The following CD55 variants were observed in gnomAD, a reference collection of about 807,000 sequenced individuals.
The protein encoded by CD55 is complement decay-accelerating factor.
In CD55, 41 loss-of-function variants were observed where a neutral mutation model predicts 45.8. The ratio of observed to expected loss-of-function variants is 0.90; its 90% CI spans 0.70 to 1.16. CD55 has a LOEUF of 1.16. CD55 is among the 50% of genes most tolerant of loss of function. The pLI is 0.00. For missense variants in CD55, 416 were observed against 469.8 expected (o/e 0.89, Z 1.06); for synonymous variants, 181 against 181.1 (o/e 1.00, Z 0.01).
chr1:207,352,234 CA>C (rs2102438867), intron 9 of CD55, among the ~76,000 whole-genome samples: 1 of 149,578 alleles, frequency 6.7e-6, no homozygotes, highest in Admixed American at 6.7e-5. Flanking sequence ...AAGTGTTTCC[CA>C]ATTTTTTTTT....
chr1:207,324,504 A>G, intron 2 of CD55, 55 bp from the exon 3 acceptor site: 1 of 1,290,896 alleles, frequency 7.7e-7, no homozygotes, highest in Non-Finnish European at 1.1e-6. Flanking sequence ...AATATAGATT[A>G]TAAAACAAAA....
At chr1:207,339,558 A>T in intron 9 of CD55, 141 bp downstream of exon 9, 1 of 656,366 alleles carries the variant, frequency 1.5e-6, no homozygotes, top group Non-Finnish European at 2.6e-6. Flanking sequence ...AGTATGGAAA[A>T]CTTTAAACGT....
At position 207,336,843 on chromosome 1, in the gene CD55, A is replaced by G. The variant is rs766908424; in HGVS notation, c.979+25A>G. ...GGTACAGAGACTCCATCAGTTCTTC[A>G]AAAACACACCACAGAAAATGTTTCA... On this transcript the variant is annotated intron_variant, in intron 7 of 9. Transcript: ENST00000367064. 75 of 1,613,072 alleles carry G rather than the reference A, an allele frequency of 4.6e-5. 1 individual carries two copies. The East Asian group carries it at 6.9e-4, about 15-fold the overall frequency.
chr1:207,322,390 G>C lies in CD55; in HGVS notation c.109G>C (p.Gly37Arg). ...TGCTTTTGTCTCCCTAGGTGACTGT[G>C]GCCTTCCCCCAGATGTACCTAATGC... ...LCLPAVWGDC[G>R]LPPDVPNAQP... The change falls in exon 2 of 10, where the codon GGC becomes CGC. Residue 37 changes from glycine to arginine, a missense_variant. Coordinates refer to ENST00000367064, the MANE Select transcript of CD55 (RefSeq NM_000574.5). 6.2e-7 allele frequency: 1 copy of C among 1,613,978 alleles called. No individual in the cohort carries two copies. The highest frequency in any genetic ancestry group is 8.5e-7 in the Non-Finnish European group (1 of 1,179,846).
chr1:207,335,335 A>G lies in CD55; in HGVS notation c.854-1358A>G, dbSNP rs28738990. Among the ~76,000 whole-genome samples, 374 of 152,304 alleles carry G rather than the reference A, an allele frequency of 2.5e-3. 2 individuals carry two copies. The highest frequency in any genetic ancestry group is 8.4e-3 in the African/African-American group (350 of 41,580). ...GACAGGTATGTTTTTTCAAGTGCGCATGGGCTATTTACCAAAATTGACCCT... is the reference window on the plus strand; with the variant it reads ...GACAGGTATGTTTTTTCAAGTGCGCGTGGGCTATTTACCAAAATTGACCCT... On this transcript the variant is annotated intron_variant, in intron 6 of 9. Transcript: ENST00000367064.
intron 9 of CD55, among the ~76,000 whole-genome samples, chr1:207,346,820 C>G (rs1017107307): frequency 6.6e-6 from 1 of 152,166 alleles, no homozygotes; most frequent in Non-Finnish European, 1.5e-5. Flanking sequence ...TGTGAACTTA[C>G]TCTCTGGAGT....
intron 6 of CD55, among the ~76,000 whole-genome samples, chr1:207,335,271 A>G (rs1014518754): frequency 2.0e-5 from 3 of 152,322 alleles, no homozygotes; most frequent in Non-Finnish European, 2.9e-5. Context: ...ACAATTAAAC[A>G]TATATACATA....
In CD55 at chr1:207,354,285, T is replaced by TTTTCTATGGCAATA. The variant is rs1438411285; in HGVS notation, c.1082-5261_1082-5260insTTTCTATGGCAATA. On this transcript the variant is annotated intron_variant, in intron 9 of 9. Transcript: ENST00000367064. ...AGTGAGTTTTTCTATGGCAATAAAC[T>TTTTCTATGGCAATA]GACTTACCCTTTCTTGGTCTCAGTT... The TTTTCTATGGCAATA allele has an allele frequency of 1.2e-5, 12 of 972,174 alleles. No homozygotes were observed. In the African/African-American group the frequency reaches 2.1e-4, roughly 17 times the overall value. The allele number at this position is 972,174 out of a possible 1,614,324, so 60.2% of individuals were successfully genotyped here. A position where few individuals can be genotyped will look rare whatever the true frequency, so the allele number is the denominator to read the frequency against.
At chr1:207,329,994 G>A (rs950598603) in intron 5 of CD55, among the ~76,000 whole-genome samples, 6 of 151,460 alleles carry the variant, frequency 4.0e-5, no homozygotes, top group African/African-American at 1.2e-4. Context: ...TGGCTACTTC[G>A]GGATGACCCT....
intron 9 of CD55, among the ~76,000 whole-genome samples, chr1:207,353,675 G>C (rs1171852105): frequency 1.3e-5 from 2 of 152,138 alleles, no homozygotes; most frequent in Non-Finnish European, 1.5e-5. Flanking sequence ...GATACGTTTA[G>C]TCTGGAAAAG....
chr1:207,345,440 T>C (rs1205694590), intron 9 of CD55, among the ~76,000 whole-genome samples: 1 of 152,138 alleles, frequency 6.6e-6, no homozygotes, highest in African/African-American at 2.4e-5. Context: ...CTTTTTTTGA[T>C]AAACATCTCA....
rs773843601 is a variant in CD55, at chr1:207,337,334, C to T, written c.985C>T (p.Arg329Trp). 2.0e-5 allele frequency: 32 copies of T among 1,601,320 alleles called. No homozygotes were observed. The highest frequency in any genetic ancestry group is 2.7e-5 in the Non-Finnish European group (31 of 1,168,752). ...KTTTPNAQAT[R>W]STPVSRTTKH... Reference sequence around the variant, plus strand: ...CCCTTCTGCTCATATTACAGCAACACGGAGTACACCTGTTTCCAGGACAAC... The same window carrying T: ...CCCTTCTGCTCATATTACAGCAACATGGAGTACACCTGTTTCCAGGACAAC... The change falls in exon 8 of 10, where the codon CGG (arginine) becomes TGG (tryptophan). Residue 329 changes from arginine (R) to tryptophan (W), a missense_variant. Physicochemically the swap from Arg to Trp is moderately radical, Grantham distance 101 (BLOSUM62 -3). Coordinates refer to ENST00000367064, the MANE Select transcript of CD55 (RefSeq NM_000574.5).
rs777769984 is a variant in CD55 at position 207,321,824 on chromosome 1, GGCT to G, written c.70_72del (p.Leu24del). 7 of 1,529,526 alleles carry G rather than the reference GGCT, an allele frequency of 4.6e-6. No individual in the cohort carries two copies. The highest frequency in any genetic ancestry group is 3.9e-5 in the Admixed American group (2 of 50,646). The allele number at this position is 1,529,526 out of a possible 1,614,324, so 94.7% of individuals were successfully genotyped here. ...CTGCCCCTCCTCGGGGAGCTGCCCCGGCTGCTGCTGCTGGTGCTGTTGTGCCTG... is the reference window on the plus strand; with the variant it reads ...CTGCCCCTCCTCGGGGAGCTGCCCCGGCTGCTGCTGGTGCTGTTGTGCCTG... On this transcript the variant is annotated inframe_deletion, in exon 1 of 10. Coordinates refer to ENST00000367064, the MANE Select transcript of CD55 (RefSeq NM_000574.5).
At chr1:207,325,196 G>A (rs1445350926) in intron 3 of CD55, among the ~76,000 whole-genome samples, 1 of 152,008 alleles carries the variant, frequency 6.6e-6, no homozygotes, top group African/African-American at 2.4e-5. Context: ...CTAGCTGGGT[G>A]TGGTGGCGCA....
At chr1:207,325,457 A>G (rs1004586184) in intron 3 of CD55, among the ~76,000 whole-genome samples, 165 bp from the exon 4 acceptor site, 4 of 152,198 alleles carry the variant, frequency 2.6e-5, no homozygotes, top group Admixed American at 2.6e-4. Flanking sequence ...TATAATCGAC[A>G]AATATTATCT....
chr1:207,332,153 TAAC>T (rs986195748), intron 6 of CD55, among the ~76,000 whole-genome samples: 6 of 152,080 alleles, frequency 3.9e-5, no homozygotes, highest in Admixed American at 2.6e-4. Flanking sequence ...CTCGGAGAGG[TAAC>T]AATTTTTTAC....
At chr1:207,326,621 C>T (rs961596424) in intron 4 of CD55, 131 bp from the exon 5 acceptor site, 128 of 681,674 alleles carry the variant, frequency 1.9e-4, no homozygotes, top group Non-Finnish European at 3.1e-4. Flanking sequence ...ACTGTGTGGA[C>T]TTTTATCAAC....
chr1:207,337,339 T>A lies in CD55; in HGVS notation c.990T>A (p.Ser330Arg). ...TTTPNAQATR[S>R]TPVSRTTKHF... ...CTGCTCATATTACAGCAACACGGAG[T>A]ACACCTGTTTCCAGGACAACCAAGC... The change falls in exon 8 of 10, where the codon AGT becomes AGA. Residue 330 changes from serine to arginine, a missense_variant. Physicochemically the swap from Ser to Arg is moderately radical, Grantham distance 110. Transcript: ENST00000367064. 1 of 1,606,002 alleles carries A rather than the reference T, an allele frequency of 6.2e-7. No individual in the cohort carries two copies.
chr1:207,359,769 G>C lies in CD55; in HGVS notation c.*159G>C. 1.1e-6 allele frequency: 1 copy of C among 917,672 alleles called. No homozygotes were observed. The highest frequency in any genetic ancestry group is 1.5e-6 in the Non-Finnish European group (1 of 668,550). The allele number at this position is 917,672 out of a possible 1,614,324, so 56.8% of individuals were successfully genotyped here. A position where few individuals can be genotyped will look rare whatever the true frequency, so the allele number is the denominator to read the frequency against. ...GTTAGGAATGTCAACAGAGCAAGGA[G>C]AAAAAAGGCAGTCCTGGAATCACAT... is the stretch of plus-strand genomic sequence containing the variant. On this transcript the variant is annotated 3_prime_UTR_variant, in exon 10 of 10. Transcript: ENST00000367064.
Sources: gnomAD v4.1 joint callset for allele counts (sites outside exome capture counted in the v4.1 genomes callset) on GRCh38, gnomAD v4.1.1 for gene constraint, MANE v1.5 for transcripts, NCBI Gene and HGNC (gene_info 2026-07-23, HGNC 2026-07-21) for gene names.